STXBP2: variants seen among roughly 807,000 people sequenced by gnomAD.
The protein encoded by STXBP2 is syntaxin-binding protein 2.
In STXBP2, 47 loss-of-function variants were observed where a neutral mutation model predicts 72.2. The ratio of observed to expected loss-of-function variants is 0.65; its 90% confidence interval spans 0.51 to 0.83. The LOEUF (loss-of-function observed/expected upper bound fraction) is 0.83. Ranked by LOEUF, STXBP2 falls within the 40% of genes least tolerant of loss-of-function variation. The probability of loss-of-function intolerance (pLI) is 0.00; values close to 1 mark genes in which losing one functional copy is unlikely to be tolerated. For missense variants in STXBP2, 702 were observed against 807.6 expected, an observed-to-expected ratio of 0.87 and a Z score of 1.58; for synonymous variants, 367 against 338.7, an observed-to-expected ratio of 1.08 and a Z score of -0.92.
At chr19:7,638,861 ACTGC>A (rs1293243392) in intron 2 of STXBP2, 86 bp downstream of exon 2, 30 of 1,595,310 alleles carry the variant, frequency 1.9e-5, no homozygotes, top group Non-Finnish European at 4.3e-6. Context: ...ACCCCCAAGA[ACTGC>A]CTGTCCACAT....
chr19:7,642,862 G>A lies in STXBP2; in HGVS notation c.960+39G>A. The A allele has an allele frequency of 6.2e-7, 1 of 1,613,954 alleles. No homozygotes were observed. The highest frequency in any genetic ancestry group is 8.5e-7 in the Non-Finnish European group (1 of 1,179,852). On this transcript the variant is annotated intron_variant, in intron 11 of 18. Transcript: ENST00000221283. This position sits in a 1 kb window ranked among gnomAD's most constrained non-coding sequence, Gnocchi z 6.0. ...CAGGTCACCAAAGGCGCTGGTGGAAGGAAGCCCCCCTCCCCATGGGCGCAG... is the reference window on the plus strand; with the variant it reads ...CAGGTCACCAAAGGCGCTGGTGGAAAGAAGCCCCCCTCCCCATGGGCGCAG...
Position 7,644,631 on chromosome 19 carries a change from C to T in STXBP2, c.1125C>T (p.Ser375=), listed in dbSNP as rs147282248. The T allele has an allele frequency of 4.8e-5, 78 of 1,612,872 alleles. No homozygotes were observed. Among genetic ancestry groups the T allele is most frequent in the South Asian group, 2.5e-4 (23 of 91,090 alleles). ...GCCCGCAGGACCTGGCCATGGGCTC[C>T]GACGCAGAGGGGGAGAAGATCAAGG... The part of the protein sequence containing the change: ...CSVEQDLAMG[S]DAEGEKIKDS... Residue 375 remains serine, a synonymous_variant, in exon 14 of 19, where the codon TCC becomes TCT. Transcript: ENST00000221283.
chr19:7,642,165 G>A lies in STXBP2; in HGVS notation c.664-38G>A. On this transcript the variant is annotated intron_variant, in intron 8 of 18. Transcript: ENST00000221283. This position sits in a 1 kb window ranked among gnomAD's most constrained non-coding sequence, Gnocchi z 6.0. ...GTGAGGGGCAGCCCCAACCGGCTCA[G>A]GGTCAGTGCCTCATTCCTGCCCTAA... The A allele has an allele frequency of 1.2e-6, 2 of 1,614,084 alleles. No homozygotes were observed. The highest frequency in any genetic ancestry group is 1.7e-6 in the Non-Finnish European group (2 of 1,179,988).
intron 13 of STXBP2, among the ~76,000 whole-genome samples, chr19:7,643,580 G>T (rs1568468895): frequency 6.6e-6 from 1 of 152,052 alleles, no homozygotes; most frequent in Non-Finnish European, 1.5e-5. Context: ...CCTTGGAGAG[G>T]TGCGACCTGG....
the STXBP2 span, chr19:7,631,811 G>T: frequency 7.1e-7 from 1 of 1,399,588 alleles, no homozygotes; most frequent in Non-Finnish European, 9.3e-7. Flanking sequence ...GCTCCGTCCT[G>T]TGGATGAAGA....
chr19:7,639,906 A>C (rs781654666), intron 4 of STXBP2, 99 bp downstream of exon 4: 2 of 1,298,364 alleles, frequency 1.5e-6, no homozygotes, highest in Admixed American at 3.9e-5. Flanking sequence ...GTGCATGTGT[A>C]TACGTGTGCA....
At chr19:7,633,001 AG>A, upstream of STXBP2, 1 of 678,256 alleles carries the variant, frequency 1.5e-6, no homozygotes, top group Non-Finnish European at 2.0e-6. Flanking sequence ...ATGAGACATG[AG>A]TCTCCTTCCC....
At position 7,640,910 on chromosome 19, in the gene STXBP2, G is replaced by T. The variant is rs751965889; in HGVS notation, c.336G>T (p.Glu112Asp). The stretch of plus-strand genomic sequence containing the variant: ...CCTGCCTCACCCCAGCCTGCCCCGA[G>T]CCCCTGTTCAGTGAGCTAGGCCGCT... Reference protein sequence around the residue: ...AHIFFTDTCPEPLFSELGRSR... With the variant: ...AHIFFTDTCPDPLFSELGRSR... The change falls in exon 6 of 19, where the codon GAG becomes GAT. Residue 112 changes from glutamate to aspartate, a missense_variant. Transcript: ENST00000221283. 4.4e-5 allele frequency: 71 copies of T among 1,614,106 alleles called. No homozygotes were observed. The highest frequency in any genetic ancestry group is 5.8e-5 in the Non-Finnish European group (69 of 1,180,036).
chr19:7,632,074 T>G (rs907695272), upstream of STXBP2: 2 of 552,388 alleles, frequency 3.6e-6, no homozygotes, highest in Non-Finnish European at 6.4e-6. This position sits in a 1 kb window ranked among gnomAD's most constrained non-coding sequence, Gnocchi z 5.2. Flanking sequence ...GTATATATCC[T>G]ATGTGTGAGC....
Position 7,647,571 on chromosome 19 carries a change from G to A in STXBP2, c.1696+60G>A. 2.5e-6 allele frequency: 4 copies of A among 1,577,914 alleles called. No individual in the cohort carries two copies. The East Asian group carries it at 7.0e-5, about 28-fold the overall frequency. Reference sequence around the variant, plus strand: ...GCTTGGGTTCCCGGGGCCTGGGCTTGTACCTTCTAGGTGTCTGGACTCCAG... The same window carrying A: ...GCTTGGGTTCCCGGGGCCTGGGCTTATACCTTCTAGGTGTCTGGACTCCAG... On this transcript the variant is annotated intron_variant, in intron 18 of 18. Transcript: ENST00000221283.
chr19:7,645,249 G>C lies in STXBP2; in HGVS notation c.1299G>C (p.Ala433=). 6.3e-7 allele frequency: 1 copy of C among 1,582,850 alleles called. No homozygotes were observed. The highest frequency in any genetic ancestry group is 8.6e-7 in the Non-Finnish European group (1 of 1,163,510). The stretch of plus-strand genomic sequence containing the variant: ...TGATCCAGCATGCCAATGTACAGGC[G>C]CACAGCAGCCTCATCCGTAACCTGG... ...AKLIQHANVQ[A]HSSLIRNLEQ... is the part of the protein sequence containing the mutation. Residue 433 remains alanine, a synonymous_variant, in exon 15 of 19, where the codon GCG becomes GCC. Coordinates refer to ENST00000221283, the MANE Select transcript of STXBP2 (RefSeq NM_006949.4).
intron 4 of STXBP2, 173 bp downstream of exon 4, chr19:7,639,980 G>GCA: frequency 1.3e-6 from 1 of 763,326 alleles, no homozygotes; most frequent in Non-Finnish European, 2.2e-6. Flanking sequence ...ATGCATGTGT[G>GCA]TGCGTGTTTG....
At chr19:7,631,024 C>T in the STXBP2 span, 1 of 833,358 alleles carries the variant, frequency 1.2e-6, no homozygotes, top group Non-Finnish European at 1.9e-6. Flanking sequence ...GCCTGGCCAA[C>T]ATGGCGAAAC....
chr19:7,631,247 C>T, the STXBP2 span: 7 of 1,412,188 alleles, frequency 5.0e-6, no homozygotes, highest in African/African-American at 5.8e-5. Flanking sequence ...AGTAAGGAAC[C>T]GAGAGCAGAG....
chr19:7,646,367 G>C (rs1255975901), intron 16 of STXBP2, 23 bp downstream of exon 16: 2 of 1,584,008 alleles, frequency 1.3e-6, no homozygotes, highest in South Asian at 1.1e-5. Flanking sequence ...AGGTCAGGGT[G>C]GGGGCCAGCC....
chr19:7,641,730 G>A lies in STXBP2; in HGVS notation c.455G>A (p.Ser152Asn), dbSNP rs757901890. The change falls in exon 7 of 19, where the codon AGC becomes AAC. Residue 152 changes from serine to asparagine, a missense_variant. Physicochemically the swap from Ser to Asn is conservative, Grantham distance 46. Transcript: ENST00000221283. ...AQVFSLDAPH[S>N]TYNLYCPFRA... is the part of the protein sequence containing the mutation. ...GTGTTCTCCCTCGATGCTCCCCACA[G>A]CACCTACAACCTCTACTGCCCCTTC... 4.4e-5 allele frequency: 69 copies of A among 1,553,886 alleles called. No individual in the cohort carries two copies. The highest frequency in any genetic ancestry group is 5.7e-5 in the Non-Finnish European group (65 of 1,149,034).
intron 1 of STXBP2, among the ~76,000 whole-genome samples, chr19:7,638,318 T>A (rs536745576): frequency 6.6e-6 from 1 of 152,298 alleles, no homozygotes; most frequent in African/African-American, 2.4e-5. Context: ...TAAAAATAAA[T>A]GATTCCTGTG....
chr19:7,633,450 T>G, upstream of STXBP2: 3 of 1,576,202 alleles, frequency 1.9e-6, no homozygotes, highest in Non-Finnish European at 2.6e-6. Context: ...CTCCTCCTGA[T>G]CCATCATGTC....
intron 4 of STXBP2, chr19:7,640,185 TGC>T: frequency 1.8e-6 from 1 of 559,266 alleles, no homozygotes; most frequent in Non-Finnish European, 3.4e-6. Flanking sequence ...TCTGTCTGTG[TGC>T]ATGTGTGTAT....
Sources: gnomAD v4.1 joint callset for allele counts (sites outside exome capture counted in the v4.1 genomes callset) on GRCh38, gnomAD v4.1.1 for gene constraint, Gnocchi (gnomAD v3.1) non-coding constraint, MANE v1.5 for transcripts, NCBI Gene and HGNC (gene_info 2026-07-23, HGNC 2026-07-21) for gene names.